Variants in GLDC observed in about 807,000 individuals in gnomAD.
GLDC encodes glycine decarboxylase, also known as glycine dehydrogenase (decarboxylating), mitochondrial.
Under a neutral mutation model 121.3 loss-of-function variants are expected in GLDC, and 104 were observed. The ratio of observed to expected loss-of-function variants is 0.86; its 90% CI spans 0.73 to 1.01. The LOEUF (loss-of-function observed/expected upper bound fraction) is 1.01. Among genes scored for constraint, GLDC ranks in the 50% least tolerant of loss-of-function variants. GLDC has a pLI of 0.00. For synonymous variants in GLDC, 546 were observed against 480.6 expected (o/e 1.14, Z -1.78); for missense variants, 1,429 against 1,306.6 (o/e 1.09, Z -1.44).
At chr9:6,550,280 A>G (rs916976098) in intron 21 of GLDC, among the ~76,000 whole-genome samples, 1 of 152,162 alleles carries the variant, frequency 6.6e-6, no homozygotes, top group Admixed American at 6.5e-5. Flanking sequence ...TGCTGTGTAG[A>G]CTAGGAGCCT....
At chr9:6,598,393 A>C (rs907889880) in intron 8 of GLDC, among the ~76,000 whole-genome samples, 2 of 152,214 alleles carry the variant, frequency 1.3e-5, no homozygotes, top group Non-Finnish European at 2.9e-5. Context: ...GACTCCCTAT[A>C]GAAAAATTTA....
intron 21 of GLDC, among the ~76,000 whole-genome samples, chr9:6,545,194 G>A (rs1563831319): frequency 6.6e-6 from 1 of 152,136 alleles, no homozygotes; most frequent in African/African-American, 2.4e-5. Flanking sequence ...CTTAATGAAG[G>A]GAATACGTTC....
intron 15 of GLDC, among the ~76,000 whole-genome samples, chr9:6,582,372 T>A (rs544333847): frequency 1.2e-3 from 170 of 142,532 alleles, no homozygotes; most frequent in Middle Eastern, 4.4e-3. Context: ...TACAAAAAAA[T>A]TTGCCGGCCA....
Position 6,534,785 on chromosome 9 carries a change from A to G in GLDC, c.2842T>C (p.Ser948Pro). 6.3e-7 allele frequency: 1 copy of G among 1,579,954 alleles called. No individual in the cohort carries two copies. The highest frequency in any genetic ancestry group is 8.7e-7 in the Non-Finnish European group (1 of 1,148,936). The part of the protein sequence containing the change: ...IDPRVNPLKM[S>P]PHSLTCVTSS... ...GTAACGCAGGTCAGGGAGTGTGGAG[A>G]CATCTGAGACAGAGACACGGACAGA... is the stretch of plus-strand genomic sequence containing the variant. The change falls in exon 24 of 25, where the codon TCT becomes CCT. Residue 948 changes from serine (S) to proline (P), a missense_variant. By Grantham distance (74) the Ser-to-Pro change is moderately conservative. Transcript: ENST00000321612.
chr9:6,564,670 C>T (rs1201840764), intron 16 of GLDC, among the ~76,000 whole-genome samples: 2 of 152,232 alleles, frequency 1.3e-5, no homozygotes, highest in African/African-American at 4.8e-5. Flanking sequence ...ACCAGGAACA[C>T]AGGCCTCCTC....
At chr9:6,538,102 C>G (rs532953036) in intron 22 of GLDC, among the ~76,000 whole-genome samples, 5 of 150,448 alleles carry the variant, frequency 3.3e-5, no homozygotes, top group Non-Finnish European at 5.9e-5. Flanking sequence ...TCACTCAAAC[C>G]AGACAGGGAT....
At chr9:6,633,354 A>G (rs1819430479) in intron 2 of GLDC, among the ~76,000 whole-genome samples, 2 of 152,100 alleles carry the variant, frequency 1.3e-5, no homozygotes, top group South Asian at 4.2e-4. Context: ...ACTAATTCTC[A>G]TGAATTTGTC....
chr9:6,612,549 A>G (rs1483161998), intron 3 of GLDC, among the ~76,000 whole-genome samples: 1 of 152,074 alleles, frequency 6.6e-6, no homozygotes, highest in Non-Finnish European at 1.5e-5. Flanking sequence ...CCTGGGCAAC[A>G]TATGAGACCT....
intron 2 of GLDC, among the ~76,000 whole-genome samples, chr9:6,632,297 G>A (rs934158002): frequency 2.0e-5 from 3 of 152,186 alleles, no homozygotes; most frequent in African/African-American, 7.2e-5. Context: ...CAAAATGTGT[G>A]AGCCTCAGAG....
At chr9:6,568,191 T>A (rs1817887814) in intron 15 of GLDC, among the ~76,000 whole-genome samples, 2 of 146,770 alleles carry the variant, frequency 1.4e-5, no homozygotes, top group Admixed American at 1.4e-4. Flanking sequence ...ATGCTGGATT[T>A]CTCTCTCTCT....
intron 18 of GLDC, 121 bp downstream of exon 18, chr9:6,556,031 TG>T: frequency 1.4e-6 from 1 of 718,900 alleles, no homozygotes; most frequent in Middle Eastern, 3.8e-4. Flanking sequence ...CAACCACCAG[TG>T]GTCAGGTCGT....
Position 6,602,225 on chromosome 9 carries a change from T to A in GLDC, c.1059-20A>T. On this transcript the variant is annotated intron_variant, in intron 7 of 24. Coordinates refer to ENST00000321612, the MANE Select transcript of GLDC (RefSeq NM_000170.3). ...GCATCTCTACACCAAGAATAAGGCA[T>A]CCAGTTAGCACAGATAATCACAGCA... The A allele has an allele frequency of 2.8e-6, 4 of 1,410,020 alleles. No homozygotes were observed. The highest frequency in any genetic ancestry group is 2.3e-5 in the East Asian group (1 of 43,906). 87.3% of individuals were successfully genotyped at this position (1,410,020 alleles called of 1,614,324 possible). A position where few individuals can be genotyped will look rare whatever the true frequency, so the allele number is the denominator to read the frequency against.
intron 9 of GLDC, among the ~76,000 whole-genome samples, chr9:6,593,271 A>G (rs1003444805): frequency 1.3e-5 from 2 of 149,018 alleles, no homozygotes; most frequent in Admixed American, 1.3e-4. Context: ...AGTATCAGAT[A>G]TATATATATA....
intron 15 of GLDC, among the ~76,000 whole-genome samples, chr9:6,571,102 T>C (rs1473718204): frequency 6.6e-6 from 1 of 152,018 alleles, no homozygotes; most frequent in Non-Finnish European, 1.5e-5. Context: ...AATGATTTTC[T>C]TATAGACACA....
chr9:6,614,107 C>G (rs112620305), intron 3 of GLDC, among the ~76,000 whole-genome samples: 1 of 152,092 alleles, frequency 6.6e-6, no homozygotes, highest in African/African-American at 2.4e-5. Context: ...TTCTAAGGCT[C>G]CCAGAGCATA....
chr9:6,606,445 A>T, intron 5 of GLDC, 147 bp downstream of exon 5: 2 of 694,010 alleles, frequency 2.9e-6, no homozygotes, highest in Non-Finnish European at 5.3e-6. Context: ...AGTGAGAGGT[A>T]AGGCAAAACT....
Position 6,624,583 on chromosome 9 carries a change from A to G in GLDC, c.335-4264T>C, listed in dbSNP as rs1819192530. On this transcript the variant is annotated intron_variant, in intron 2 of 24. Coordinates refer to ENST00000321612, the MANE Select transcript of GLDC (RefSeq NM_000170.3). ...AGGTTCCTGTTGTTTTAAGCCACCTAGTTTGTGGTACTATATTACATGGCA... is the reference window on the plus strand; with the variant it reads ...AGGTTCCTGTTGTTTTAAGCCACCTGGTTTGTGGTACTATATTACATGGCA... Among the ~76,000 whole-genome samples, 12 of 152,252 alleles carry G rather than the reference A, an allele frequency of 7.9e-5. No homozygotes were observed. In the South Asian group the frequency reaches 2.5e-3, roughly 32 times the overall value.
At chr9:6,609,913 C>A (rs1335592150) in intron 4 of GLDC, among the ~76,000 whole-genome samples, 1 of 152,106 alleles carries the variant, frequency 6.6e-6, no homozygotes, top group Non-Finnish European at 1.5e-5. Context: ...AGTCCCCTCA[C>A]CAAATATGCA....
chr9:6,644,946 G>C lies in GLDC; in HGVS notation c.256-254C>G, dbSNP rs113238101. On this transcript the variant is annotated intron_variant, in intron 1 of 24. Transcript: ENST00000321612. ...TAACCGGTAAGCCCACTCTTAATCA[G>C]GGGGTCTTCCTCCTCTTGCAAAGTT... 25 of 608,892 alleles carry C rather than the reference G, an allele frequency of 4.1e-5. 1 individual carries two copies. In the African/African-American group the frequency reaches 4.3e-4, roughly 10 times the overall value. The allele number at this position is 608,892 out of a possible 1,614,324, so 37.7% of individuals were successfully genotyped here.
Sources: gnomAD v4.1 joint callset for allele counts (sites outside exome capture counted in the v4.1 genomes callset) on GRCh38, gnomAD v4.1.1 for gene constraint, MANE v1.5 for transcripts, NCBI Gene and HGNC (gene_info 2026-07-23, HGNC 2026-07-21) for gene names.